Variants in GDPD4 observed in about 807,000 individuals in gnomAD.
The protein encoded by GDPD4 is glycerophosphodiester phosphodiesterase 6.
Under a neutral mutation model 67.8 loss-of-function variants are expected in GDPD4, and 60 were observed. That is an observed-to-expected ratio of 0.88 (90% CI 0.72 to 1.10). The LOEUF (loss-of-function observed/expected upper bound fraction) is 1.10, where lower values mean the gene tolerates loss of function less well. Among genes scored for constraint, GDPD4 ranks in the 50% least tolerant of loss-of-function variants. The pLI is 0.00. For synonymous variants in GDPD4, 212 were observed against 210.9 expected (o/e 1.00, Z -0.04); for missense variants, 623 against 613.9 (o/e 1.01, Z -0.16).
At chr11:77,235,261 G>C (rs1467211506) in intron 13 of GDPD4, among the ~76,000 whole-genome samples, 2 of 152,020 alleles carry the variant, frequency 1.3e-5, no homozygotes, top group Non-Finnish European at 2.9e-5. Flanking sequence ...TAGTAAAGAT[G>C]TCAGTTCTCC....
At chr11:77,280,417 T>C (rs2135883604) in intron 3 of GDPD4, among the ~76,000 whole-genome samples, 1 of 141,878 alleles carries the variant, frequency 7.0e-6, no homozygotes, top group African/African-American at 2.5e-5. Flanking sequence ...AAAAAAAATT[T>C]TCGAAATTAA....
At chr11:77,223,316 T>G (rs1417705808) in intron 16 of GDPD4, among the ~76,000 whole-genome samples, 4 of 152,170 alleles carry the variant, frequency 2.6e-5, no homozygotes, top group African/African-American at 7.2e-5. Context: ...TCTCCCCATC[T>G]TTGTGGTTTT....
intron 16 of GDPD4, among the ~76,000 whole-genome samples, chr11:77,221,951 T>C (rs1241529412): frequency 6.6e-6 from 1 of 152,178 alleles, no homozygotes; most frequent in Non-Finnish European, 1.5e-5. Context: ...GATAGTTAGC[T>C]CTTGTTGAAT....
At chr11:77,284,315 T>C (rs1959893945) in intron 3 of GDPD4, among the ~76,000 whole-genome samples, 1 of 152,180 alleles carries the variant, frequency 6.6e-6, no homozygotes, top group South Asian at 2.1e-4. Context: ...CAAAATTATG[T>C]ATACAATATG....
rs1194746056 is a variant in GDPD4 at position 77,221,213 on chromosome 11, GT to G, written c.1526-3900del. Among the ~76,000 whole-genome samples, 7 of 151,970 alleles carry G rather than the reference GT, an allele frequency of 4.6e-5. No homozygotes were observed. In the East Asian group the frequency reaches 7.7e-4, roughly 17 times the overall value. Reference sequence around the variant, plus strand: ...GCTCCTGGATTGATTTTTTTGAAGGGTTTTTTTGTGTCTCTATCTCCTTCAG... The same window carrying G: ...GCTCCTGGATTGATTTTTTTGAAGGGTTTTTTGTGTCTCTATCTCCTTCAG... On this transcript the variant is annotated intron_variant, in intron 16 of 16. Coordinates refer to ENST00000315938, the MANE Select transcript of GDPD4 (RefSeq NM_182833.3).
At chr11:77,285,015 A>C in intron 3 of GDPD4, 70 bp downstream of exon 3, 1 of 1,086,834 alleles carries the variant, frequency 9.2e-7, no homozygotes, top group Non-Finnish European at 1.4e-6. Context: ...TTTCAGCCTG[A>C]GGTAGAATCC....
rs114130761 is a variant in GDPD4, at chr11:77,284,868, T to C, written c.53+217A>G. ...TACTGAGCCAGATTTAGTCTAAGTATGAGACTGAGCACAGTGGAAGAAAGT... is the reference window on the plus strand; with the variant it reads ...TACTGAGCCAGATTTAGTCTAAGTACGAGACTGAGCACAGTGGAAGAAAGT... On this transcript the variant is annotated intron_variant, in intron 3 of 16. Coordinates refer to ENST00000315938, the MANE Select transcript of GDPD4 (RefSeq NM_182833.3). 8.9e-3 allele frequency among the ~76,000 whole-genome samples: 1,353 copies of C among 152,270 alleles called. 25 individuals carry two copies. Among genetic ancestry groups the C allele is most frequent in the African/African-American group, 0.03 (1,241 of 41,540 alleles).
rs770251628 is a variant in GDPD4, at chr11:77,229,193, T to C, written c.1429A>G (p.Ile477Val). ...FYVFMWLLAD[I>V]ISVLFIVAIF... Reference sequence around the variant, plus strand: ...GCAACAATAAAAAGCACAGAAATGATATCTGCAAGGAGCCACATGAACACA... The same window carrying C: ...GCAACAATAAAAAGCACAGAAATGACATCTGCAAGGAGCCACATGAACACA... Residue 477 changes from isoleucine to valine, a missense_variant, in exon 15 of 17, where the codon ATC becomes GTC. Ile to Val is a conservative substitution (Grantham distance 29). Coordinates refer to ENST00000315938, the MANE Select transcript of GDPD4 (RefSeq NM_182833.3). 6.2e-7 allele frequency: 1 copy of C among 1,609,744 alleles called. No homozygotes were observed. Among genetic ancestry groups the C allele is most frequent in the South Asian group, 1.1e-5 (1 of 90,360 alleles).
At chr11:77,258,301 A>G in intron 11 of GDPD4, 85 bp downstream of exon 11, 1 of 1,312,188 alleles carries the variant, frequency 7.6e-7, no homozygotes, top group Admixed American at 1.7e-5. Context: ...GCCTATCTTC[A>G]TCTATGGCCT....
intron 1 of GDPD4, among the ~76,000 whole-genome samples, chr11:77,300,345 C>G (rs1938118350): frequency 6.6e-6 from 1 of 152,108 alleles, no homozygotes; most frequent in Non-Finnish European, 1.5e-5. Context: ...GTGTGCTCAC[C>G]ATTGCTCCAT....
At chr11:77,219,558 G>A (rs1958187284) in intron 16 of GDPD4, among the ~76,000 whole-genome samples, 1 of 152,180 alleles carries the variant, frequency 6.6e-6, no homozygotes, top group Non-Finnish European at 1.5e-5. Flanking sequence ...TTTTGTATAA[G>A]GAGTAAGGAA....
intron 13 of GDPD4, among the ~76,000 whole-genome samples, chr11:77,234,078 A>G (rs1958504868): frequency 6.6e-6 from 1 of 152,156 alleles, no homozygotes. Flanking sequence ...CTCAAATGGT[A>G]TGGCATATTG....
intron 16 of GDPD4, among the ~76,000 whole-genome samples, chr11:77,225,609 G>A (rs950332197): frequency 6.6e-6 from 1 of 152,112 alleles, no homozygotes; most frequent in South Asian, 2.1e-4. Flanking sequence ...AAAAAGACAC[G>A]TTACAAACAG....
At position 77,243,909 on chromosome 11, in the gene GDPD4, C is replaced by T. The variant is rs1958727709; in HGVS notation, c.1087-61G>A. ...TCAGCTATCCAGGTACGAACAGCCC[C>T]ATAGAGAATGGAGGGAGCTCCATTC... On this transcript the variant is annotated intron_variant, in intron 12 of 16. Transcript: ENST00000315938. The T allele has an allele frequency of 3.3e-6, 4 of 1,198,398 alleles. No individual in the cohort carries two copies. The South Asian group carries it at 5.1e-5, about 15-fold the overall frequency. 74.2% of individuals were successfully genotyped at this position (1,198,398 alleles called of 1,614,324 possible).
chr11:77,296,082 T>C (rs1293547146), intron 1 of GDPD4, among the ~76,000 whole-genome samples: 1 of 151,582 alleles, frequency 6.6e-6, no homozygotes, highest in African/African-American at 2.4e-5. Context: ...AAACCCCGTC[T>C]CTACTAAAAA....
In GDPD4 at chr11:77,271,120, T is replaced by C. The variant is rs1297082334; in HGVS notation, c.400+10A>G. On this transcript the variant is annotated intron_variant, in intron 7 of 16. Transcript: ENST00000315938. ...AAGAAATAGGCAGGGTTCTGCCCTA[T>C]GTGACATACCTTCTCTTTCCAAACA... is the stretch of plus-strand genomic sequence containing the variant. 1.3e-6 allele frequency: 2 copies of C among 1,581,442 alleles called. No individual in the cohort carries two copies. The highest frequency in any genetic ancestry group is 1.7e-6 in the Non-Finnish European group (2 of 1,151,824).
Position 77,287,249 on chromosome 11 carries a change from T to A in GDPD4, c.-82A>T, listed in dbSNP as rs540678063. ...GCAGCAACAAAATCCAACTTTAGTT[T>A]TTTCCCATTGTCTGAATTTCCAGAG... On this transcript the variant is annotated 5_prime_UTR_variant, in exon 2 of 17. Coordinates refer to ENST00000315938, the MANE Select transcript of GDPD4 (RefSeq NM_182833.3). 2 of 152,204 alleles carry A rather than the reference T, an allele frequency of 1.3e-5. No individual in the cohort carries two copies. Among genetic ancestry groups the A allele is most frequent in the Non-Finnish European group, 2.9e-5 (2 of 68,050 alleles). The allele number at this position is 152,204 out of a possible 1,614,324, so 9.4% of individuals were successfully genotyped here.
chr11:77,232,926 G>A (rs966815629), intron 14 of GDPD4, 99 bp downstream of exon 14: 10 of 1,038,360 alleles, frequency 9.6e-6, no homozygotes, highest in East Asian at 2.4e-5. Context: ...GTACTCTTAA[G>A]TGGCTGCCCA....
intron 11 of GDPD4, among the ~76,000 whole-genome samples, chr11:77,252,446 A>AT (rs1012292987): frequency 2.6e-5 from 4 of 152,026 alleles, no homozygotes; most frequent in East Asian, 1.9e-4. Context: ...TGAATTGTCT[A>AT]TTTTTTTGTA....
Sources: allele counts gnomAD v4.1 joint callset (sites outside exome capture counted in the v4.1 genomes callset), GRCh38; gene constraint gnomAD v4.1.1; transcripts MANE v1.5; gene names NCBI Gene and HGNC (gene_info 2026-07-23, HGNC 2026-07-21).